The following GRIP1 variants were observed in gnomAD, a reference collection of about 807,000 sequenced individuals.
GRIP1 encodes the protein glutamate receptor-interacting protein 1.
A neutral mutation model predicts 129.9 loss-of-function variants in GRIP1; 45 were observed. That is an observed-to-expected ratio of 0.35 (90% CI 0.27 to 0.44). The LOEUF (loss-of-function observed/expected upper bound fraction) is 0.44. GRIP1 is among the 20% of genes least tolerant of loss of function. GRIP1 has a pLI of 1.00. For synonymous variants in GRIP1, 530 were observed against 520.8 expected (o/e 1.02, Z -0.24); for missense variants, 1,196 against 1,396.8 (o/e 0.86, Z 2.29).
At chr12:66,613,724 T>G (rs528407198) in intron 1 of GRIP1, among the ~76,000 whole-genome samples, 2 of 152,288 alleles carry the variant, frequency 1.3e-5, no homozygotes. Context: ...AGAGTTCTGT[T>G]TGGAGAGCTG....
At chr12:66,448,150 C>A (rs1384770782) in intron 11 of GRIP1, among the ~76,000 whole-genome samples, 1 of 151,994 alleles carries the variant, frequency 6.6e-6, no homozygotes, top group East Asian at 1.9e-4. Context: ...GATGGGTATG[C>A]CATCCACACA....
Position 66,624,030 on chromosome 12 carries a change from T to A in GRIP1, c.56-27103A>T, listed in dbSNP as rs531982860. Among the ~76,000 whole-genome samples, 4 of 152,318 alleles carry A rather than the reference T, an allele frequency of 2.6e-5. No individual in the cohort carries two copies. In the East Asian group the frequency reaches 7.7e-4, roughly 29 times the overall value. On this transcript the variant is annotated intron_variant, in intron 1 of 24. Coordinates refer to ENST00000359742, the MANE Select transcript of GRIP1 (RefSeq NM_001366722.1). Reference sequence around the variant, plus strand: ...TAATTAATTCATTCATTTGTTCATATATTTATTCAGTAATTTCAGGGTGCA... The same window carrying A: ...TAATTAATTCATTCATTTGTTCATAAATTTATTCAGTAATTTCAGGGTGCA...
intron 2 of GRIP1, among the ~76,000 whole-genome samples, chr12:66,545,580 T>C (rs2061923634): frequency 6.6e-6 from 1 of 152,184 alleles, no homozygotes; most frequent in Non-Finnish European, 1.5e-5. Flanking sequence ...AAAGTGCTTC[T>C]GAAGGATATA....
At chr12:66,350,844 T>C (rs1168425077) in intron 24 of GRIP1, among the ~76,000 whole-genome samples, 1 of 152,238 alleles carries the variant, frequency 6.6e-6, no homozygotes, top group Non-Finnish European at 1.5e-5. Flanking sequence ...CTTTCTATGT[T>C]ACCAATTATA....
At chr12:66,505,614 G>A (rs775359344) in intron 7 of GRIP1, among the ~76,000 whole-genome samples, 1 of 152,086 alleles carries the variant, frequency 6.6e-6, no homozygotes, top group Non-Finnish European at 1.5e-5. Context: ...GTTGGTGTGG[G>A]GAACCCAAGA....
chr12:66,779,245 C>T (rs1327554386), intron 1 of GRIP1, among the ~76,000 whole-genome samples: 1 of 152,060 alleles, frequency 6.6e-6, no homozygotes, highest in African/African-American at 2.4e-5. Context: ...ATCTGACAAA[C>T]CACAAGACAT....
chr12:66,590,419 T>C (rs1026147509), intron 2 of GRIP1, among the ~76,000 whole-genome samples: 2 of 152,206 alleles, frequency 1.3e-5, no homozygotes, highest in Non-Finnish European at 2.9e-5. Context: ...ATCAAGGTGC[T>C]GGTTTTGCCT....
At chr12:66,761,370 T>C (rs2037469836) in intron 1 of GRIP1, among the ~76,000 whole-genome samples, 1 of 152,146 alleles carries the variant, frequency 6.6e-6, no homozygotes, top group Non-Finnish European at 1.5e-5. Flanking sequence ...TCTTCCATGA[T>C]ACTTTTTGCT....
chr12:66,967,164 G>C (rs148336500), intron 1 of GRIP1, among the ~76,000 whole-genome samples: 1 of 152,098 alleles, frequency 6.6e-6, no homozygotes, highest in Non-Finnish European at 1.5e-5. Context: ...TTTTGTGTTT[G>C]TTTTTGTTTT....
At chr12:66,827,767 A>T (rs2137007050) in intron 1 of GRIP1, among the ~76,000 whole-genome samples, 1 of 152,334 alleles carries the variant, frequency 6.6e-6, no homozygotes, top group Non-Finnish European at 1.5e-5. Context: ...CTCAGTAAAC[A>T]AGCACTGGCT....
intron 19 of GRIP1, among the ~76,000 whole-genome samples, chr12:66,385,763 C>T (rs754082927): frequency 4.6e-5 from 7 of 151,956 alleles, no homozygotes; most frequent in Non-Finnish European, 7.4e-5. Flanking sequence ...ACACACACCA[C>T]CACACCCAGC....
intron 1 of GRIP1, among the ~76,000 whole-genome samples, chr12:66,741,989 T>C (rs2036803393): frequency 6.6e-6 from 1 of 152,210 alleles, no homozygotes; most frequent in South Asian, 2.1e-4. Context: ...AAGAAAACAA[T>C]TTTCTGTCAA....
intron 1 of GRIP1, among the ~76,000 whole-genome samples, chr12:66,704,300 TA>T (rs997782037): frequency 6.6e-6 from 1 of 151,914 alleles, no homozygotes; most frequent in Non-Finnish European, 1.5e-5. Context: ...AAGAAATTAT[TA>T]AAAAACAGAT....
intron 1 of GRIP1, among the ~76,000 whole-genome samples, chr12:66,877,622 CTTA>C (rs1181663119): frequency 6.6e-6 from 1 of 152,072 alleles, no homozygotes; most frequent in East Asian, 1.9e-4. Context: ...AGAACACACA[CTTA>C]TATTTCTGGA....
chr12:66,437,139 T>C (rs1392606411), intron 13 of GRIP1, among the ~76,000 whole-genome samples: 1 of 152,208 alleles, frequency 6.6e-6, no homozygotes, highest in Non-Finnish European at 1.5e-5. Context: ...AAAACATTTC[T>C]GAGGCAGAAT....
intron 7 of GRIP1, among the ~76,000 whole-genome samples, chr12:66,481,289 A>T (rs2138562194): frequency 6.6e-6 from 1 of 151,964 alleles, no homozygotes; most frequent in Non-Finnish European, 1.5e-5. Context: ...TGGGCAAAGG[A>T]TATGAACAGA....
At chr12:66,556,205 G>A (rs2062327443) in intron 2 of GRIP1, among the ~76,000 whole-genome samples, 1 of 152,048 alleles carries the variant, frequency 6.6e-6, no homozygotes, top group African/African-American at 2.4e-5. Context: ...AACATAGAAT[G>A]GAGCTCCAGT....
chr12:66,757,620 G>T (rs925715047), intron 1 of GRIP1, among the ~76,000 whole-genome samples: 1 of 152,152 alleles, frequency 6.6e-6, no homozygotes, highest in Admixed American at 6.5e-5. Context: ...CTAGCAGTTG[G>T]ATTGCTGGAC....
intron 1 of GRIP1, among the ~76,000 whole-genome samples, chr12:66,798,435 G>C (rs1339316850): frequency 1.3e-5 from 2 of 152,126 alleles, no homozygotes; most frequent in African/African-American, 4.8e-5. Context: ...CTTGAAATAA[G>C]CCAGCAACTT....
Sources: allele counts gnomAD v4.1 joint callset (sites outside exome capture counted in the v4.1 genomes callset), GRCh38; gene constraint gnomAD v4.1.1; transcripts MANE v1.5; gene names NCBI Gene and HGNC (gene_info 2026-07-23, HGNC 2026-07-21).